The following RAPGEF1 variants were observed in gnomAD, a reference collection of about 807,000 sequenced individuals.
RAPGEF1 encodes the protein CRK SH3-binding GNRP.
A neutral mutation model predicts 143.3 loss-of-function variants in RAPGEF1; 33 were observed. The ratio of observed to expected loss-of-function variants is 0.23; its 90% confidence interval spans 0.17 to 0.31. RAPGEF1 has a LOEUF of 0.31. Among genes scored for constraint, RAPGEF1 ranks in the 10% least tolerant of loss-of-function variants. The pLI, the probability that RAPGEF1 is intolerant of heterozygous loss-of-function variation, is 1.00. For synonymous variants in RAPGEF1, 629 were observed against 676.5 expected, an observed-to-expected ratio of 0.93 and a Z score of 1.09; for missense variants, 1,199 against 1,645.4, an observed-to-expected ratio of 0.73 and a Z score of 4.69.
Position 131,604,055 on chromosome 9 carries a change from T to C in RAPGEF1, c.2320-2A>G. 1 of 1,323,892 alleles carries C rather than the reference T, an allele frequency of 7.6e-7. No homozygotes were observed. Among genetic ancestry groups the C allele is most frequent in the Non-Finnish European group, 1.0e-6 (1 of 997,862 alleles). 82.0% of individuals were successfully genotyped at this position (1,323,892 alleles called of 1,614,324 possible). A position where few individuals can be genotyped will look rare whatever the true frequency, so the allele number is the denominator to read the frequency against. ...AGCTTCCTCACTGGCGTTTTCACTCTGGGGGAGACAGGACGAGAGGAAAGA... is the reference window on the plus strand; with the variant it reads ...AGCTTCCTCACTGGCGTTTTCACTCCGGGGGAGACAGGACGAGAGGAAAGA... On this transcript the variant is annotated splice_acceptor_variant, in intron 13 of 26. Transcript: ENST00000683357. LOFTEE classifies it high-confidence loss of function.
intron 1 of RAPGEF1, among the ~76,000 whole-genome samples, chr9:131,668,722 C>T (rs559205969): frequency 6.6e-6 from 1 of 152,314 alleles, no homozygotes; most frequent in African/African-American, 2.4e-5. Context: ...ACTTCATAGG[C>T]TTCCTGAGAT....
intron 18 of RAPGEF1, 50 bp downstream of exon 18, chr9:131,592,049 C>T: frequency 1.4e-6 from 2 of 1,434,058 alleles, no homozygotes; most frequent in Non-Finnish European, 2.0e-6. Context: ...GTCCCTCTCT[C>T]TCCAAAATGC....
At chr9:131,729,760 AT>A (rs1836905144) in intron 1 of RAPGEF1, among the ~76,000 whole-genome samples, 1 of 152,220 alleles carries the variant, frequency 6.6e-6, no homozygotes, top group Admixed American at 6.5e-5. Context: ...CTGACTCTTT[AT>A]AAGAACAGAA....
chr9:131,592,528 T>A (rs1318632021), intron 17 of RAPGEF1, among the ~76,000 whole-genome samples: 1 of 152,124 alleles, frequency 6.6e-6, no homozygotes, highest in African/African-American at 2.4e-5. Flanking sequence ...AAAAGGGCAC[T>A]TAGGCTGACG....
At chr9:131,721,255 C>A (rs1016365720) in intron 1 of RAPGEF1, among the ~76,000 whole-genome samples, 28 of 152,132 alleles carry the variant, frequency 1.8e-4, no homozygotes, top group Admixed American at 6.5e-5. Context: ...CAGGACATTT[C>A]GAAGGGGGTA....
At chr9:131,687,047 G>A (rs1202517744) in intron 1 of RAPGEF1, among the ~76,000 whole-genome samples, 1 of 152,150 alleles carries the variant, frequency 6.6e-6, no homozygotes, top group African/African-American at 2.4e-5. Context: ...CAAATGTTAT[G>A]TTAAATCAAA....
chr9:131,679,608 C>T (rs909348671), intron 1 of RAPGEF1, among the ~76,000 whole-genome samples: 1 of 152,212 alleles, frequency 6.6e-6, no homozygotes, highest in Non-Finnish European at 1.5e-5. Flanking sequence ...CACATTTATC[C>T]TCTACCAGCT....
Position 131,650,311 on chromosome 9 carries a change from A to G in RAPGEF1, c.202-69T>C. ...TGTTTGAGGCCGAAGGGAGGGGTTG[A>G]TGAAAGTCAATAGCTGTTTCAACAT... On this transcript the variant is annotated intron_variant, in intron 2 of 26. Transcript: ENST00000683357. This position sits in a 1 kb window ranked among gnomAD's most constrained non-coding sequence, Gnocchi z 4.7. 8.6e-7 allele frequency: 1 copy of G among 1,161,186 alleles called. No individual in the cohort carries two copies. The highest frequency in any genetic ancestry group is 2.4e-5 in the East Asian group (1 of 41,382). The allele number at this position is 1,161,186 out of a possible 1,614,324, so 71.9% of individuals were successfully genotyped here.
At chr9:131,706,779 C>T (rs527658006) in intron 1 of RAPGEF1, among the ~76,000 whole-genome samples, 1 of 152,290 alleles carries the variant, frequency 6.6e-6, no homozygotes, top group South Asian at 2.1e-4. Context: ...GGTCTATCAG[C>T]CCAAACAAAT....
chr9:131,625,334 T>A (rs1962634499), intron 10 of RAPGEF1, among the ~76,000 whole-genome samples: 1 of 152,146 alleles, frequency 6.6e-6, no homozygotes, highest in Admixed American at 6.5e-5. Context: ...TATGACAGAT[T>A]TACCGTTGGA....
At chr9:131,607,576 G>A (rs1045235601) in intron 12 of RAPGEF1, among the ~76,000 whole-genome samples, 1 of 152,090 alleles carries the variant, frequency 6.6e-6, no homozygotes, top group African/African-American at 2.4e-5. Context: ...GGGACGGCGT[G>A]CTGCTGGGGG....
At chr9:131,647,448 T>G (rs1339719004) in intron 3 of RAPGEF1, among the ~76,000 whole-genome samples, 1 of 152,158 alleles carries the variant, frequency 6.6e-6, no homozygotes, top group Non-Finnish European at 1.5e-5. Context: ...AATCTGTACT[T>G]TCATCTCCCT....
At chr9:131,730,217 GAAAC>G (rs1836953935) in intron 1 of RAPGEF1, among the ~76,000 whole-genome samples, 2 of 99,628 alleles carry the variant, frequency 2.0e-5, no homozygotes, top group African/African-American at 3.6e-5. Context: ...AAAAAAAAAA[GAAAC>G]AAATTAACAA....
In RAPGEF1 at chr9:131,739,953, G is replaced by A; in HGVS notation, c.-123C>T. 2.1e-6 allele frequency: 1 copy of A among 484,216 alleles called. No homozygotes were observed. Among genetic ancestry groups the A allele is most frequent in the African/African-American group, 2.1e-5 (1 of 46,856 alleles). The allele number at this position is 484,216 out of a possible 1,614,324, so 30.0% of individuals were successfully genotyped here. A position where few individuals can be genotyped will look rare whatever the true frequency, so the allele number is the denominator to read the frequency against. On this transcript the variant is annotated 5_prime_UTR_variant, in exon 1 of 27. Transcript: ENST00000683357. ...GGGCTCCGCGCGGCCGCGGCCCTGC[G>A]CTCGGCGACCGCGCTCCAGCCCGCC...
intron 1 of RAPGEF1, among the ~76,000 whole-genome samples, chr9:131,739,151 A>G (rs1274133703): frequency 6.6e-6 from 1 of 152,182 alleles, no homozygotes; most frequent in East Asian, 1.9e-4. Context: ...TTCTAGGAAC[A>G]CACAAAGAGA....
chr9:131,578,233 C>G lies in RAPGEF1; in HGVS notation c.*1264G>C, dbSNP rs1434818975. 1 of 152,334 alleles carries G rather than the reference C, an allele frequency of 6.6e-6. No homozygotes were observed. Among genetic ancestry groups the G allele is most frequent in the East Asian group, 1.9e-4 (1 of 5,196 alleles). The allele number at this position is 152,334 out of a possible 1,614,324, so 9.4% of individuals were successfully genotyped here. ...CAGATTCTGTTTGTCAAGCGCCCCA[C>G]AAGCCTTGCCCAGATTGTCAAGCTC... On this transcript the variant is annotated 3_prime_UTR_variant, in exon 27 of 27. Transcript: ENST00000683357.
intron 1 of RAPGEF1, among the ~76,000 whole-genome samples, chr9:131,735,816 G>A (rs565713315): frequency 6.6e-6 from 1 of 152,288 alleles, no homozygotes; most frequent in African/African-American, 2.4e-5. Flanking sequence ...AGTTACCAGA[G>A]ATTCTCATTT....
At position 131,678,231 on chromosome 9, in the gene RAPGEF1, T is replaced by A. The variant is rs1001910073; in HGVS notation, c.62-27282A>T. On this transcript the variant is annotated intron_variant, in intron 1 of 26. Coordinates refer to ENST00000683357, the MANE Select transcript of RAPGEF1 (RefSeq NM_001377935.1). ...CAACTGAGTTGTATTCGTTTGGTTC[T>A]AAGTTTCCTAGTGGCAAAGGTAAAA... 2.0e-5 allele frequency among the ~76,000 whole-genome samples: 3 copies of A among 152,246 alleles called. No individual in the cohort carries two copies. The East Asian group carries it at 5.8e-4, about 29-fold the overall frequency.
intron 1 of RAPGEF1, among the ~76,000 whole-genome samples, chr9:131,723,996 T>C (rs1426033796): frequency 1.3e-5 from 2 of 152,220 alleles, no homozygotes; most frequent in East Asian, 1.9e-4. Flanking sequence ...TGGAAAGAGT[T>C]TGACTGCTTT....
Sources: gnomAD v4.1 joint callset for allele counts (sites outside exome capture counted in the v4.1 genomes callset) on GRCh38, gnomAD v4.1.1 for gene constraint, Gnocchi (gnomAD v3.1) non-coding constraint, MANE v1.5 for transcripts, NCBI Gene and HGNC (gene_info 2026-07-23, HGNC 2026-07-21) for gene names.